Variants in HUNK observed in about 807,000 individuals in gnomAD.
HUNK encodes the protein hormonally up-regulated neu tumor-associated kinase.
In HUNK, 21 loss-of-function variants were observed where a neutral mutation model predicts 61.0. That is an observed-to-expected ratio of 0.34 (90% CI 0.24 to 0.50). The LOEUF is 0.50. HUNK is among the 20% of genes least tolerant of loss of function. The pLI is 0.98. For missense variants in HUNK, 772 were observed against 945.7 expected, an observed-to-expected ratio of 0.82 and a Z score of 2.41; for synonymous variants, 371 against 386.1, an observed-to-expected ratio of 0.96 and a Z score of 0.46.
At chr21:31,992,309 G>A (rs772793397) in intron 9 of HUNK, among the ~76,000 whole-genome samples, 12 of 152,184 alleles carry the variant, frequency 7.9e-5, no homozygotes, top group Non-Finnish European at 1.6e-4. Context: ...AGGCATCTCC[G>A]TCTCCTCCAC....
intron 1 of HUNK, among the ~76,000 whole-genome samples, chr21:31,876,313 G>C (rs2052261947): frequency 6.6e-6 from 1 of 152,180 alleles, no homozygotes; most frequent in African/African-American, 2.4e-5. Context: ...AGTGCTCCAG[G>C]GATTGCGGGC....
Position 31,958,954 on chromosome 21 carries a change from C to T in HUNK, c.858C>T (p.Pro286=). The change falls in exon 5 of 11, where the codon CCC becomes CCT. Residue 286 remains proline, a synonymous_variant. Coordinates refer to ENST00000270112, the MANE Select transcript of HUNK (RefSeq NM_014586.2). ...TAGACAAAGAAATGAACCCCCTCCCCACTCAGCTCTCCACAGGTAATGCAC... is the reference window on the plus strand; with the variant it reads ...TAGACAAAGAAATGAACCCCCTCCCTACTCAGCTCTCCACAGGTAATGCAC... ...KMVDKEMNPL[P]TQLSTGAISF... 2 of 1,607,438 alleles carry T rather than the reference C, an allele frequency of 1.2e-6. No homozygotes were observed. The highest frequency in any genetic ancestry group is 2.2e-5 in the East Asian group (1 of 44,824).
chr21:31,996,334 C>T (rs1051799502), intron 10 of HUNK, among the ~76,000 whole-genome samples: 4 of 152,110 alleles, frequency 2.6e-5, no homozygotes, highest in Admixed American at 6.5e-5. Flanking sequence ...GAGCAGAGAC[C>T]GGGTATCTCC....
intron 6 of HUNK, 36 bp downstream of exon 6, chr21:31,968,421 G>A: frequency 2.5e-6 from 4 of 1,612,806 alleles, no homozygotes; most frequent in Non-Finnish European, 3.4e-6. Context: ...CCTCGGGAGA[G>A]ACGGGGCCTG....
At chr21:31,917,749 CACA>C (rs2052595009) in intron 1 of HUNK, among the ~76,000 whole-genome samples, 1 of 145,500 alleles carries the variant, frequency 6.9e-6, no homozygotes, top group African/African-American at 2.7e-5. Context: ...CACACACACA[CACA>C]CACACCCCTG....
At chr21:31,996,649 C>G (rs1482170327) in intron 10 of HUNK, among the ~76,000 whole-genome samples, 1 of 152,152 alleles carries the variant, frequency 6.6e-6, no homozygotes, top group Non-Finnish European at 1.5e-5. Context: ...TGAAGCAGAG[C>G]CATGAAGTAG....
At chr21:31,956,157 C>A (rs1185227110) in intron 4 of HUNK, among the ~76,000 whole-genome samples, 1 of 152,230 alleles carries the variant, frequency 6.6e-6, no homozygotes, top group Admixed American at 6.5e-5. Context: ...ATCCTGGTTC[C>A]AGTTTTCAAA....
In HUNK at chr21:31,946,572, C is replaced by T. The variant is rs78970533; in HGVS notation, c.746+401C>T. 7.1e-3 allele frequency among the ~76,000 whole-genome samples: 1,080 copies of T among 152,196 alleles called. 15 individuals carry two copies. The highest frequency in any genetic ancestry group is 0.025 in the African/African-American group (1,029 of 41,516). On this transcript the variant is annotated intron_variant, in intron 4 of 10. Transcript: ENST00000270112. ...TCTCTCCTACCCCCTGTCCTGCTCA[C>T]AGTTCTTCAGACATATTGACCTCCC...
At chr21:31,956,335 C>T (rs1276931455) in intron 4 of HUNK, among the ~76,000 whole-genome samples, 1 of 152,178 alleles carries the variant, frequency 6.6e-6, no homozygotes, top group Non-Finnish European at 1.5e-5. Context: ...AGAGGCTGTT[C>T]AGTGGTCCCC....
intron 1 of HUNK, among the ~76,000 whole-genome samples, chr21:31,885,197 G>T (rs1178888462): frequency 6.6e-6 from 1 of 152,222 alleles, no homozygotes; most frequent in Non-Finnish European, 1.5e-5. Flanking sequence ...CGAGGGAAAT[G>T]AAAACCTTTC....
At position 31,882,332 on chromosome 21, in the gene HUNK, T is replaced by A. The variant is rs551594377; in HGVS notation, c.261+8397T>A. ...TTTGGTTAAGTTTTGGAATTGGTAA[T>A]ACAGACACATGGTCTGAAATTCAAA... On this transcript the variant is annotated intron_variant, in intron 1 of 10. Transcript: ENST00000270112. 3.9e-5 allele frequency among the ~76,000 whole-genome samples: 6 copies of A among 152,290 alleles called. No homozygotes were observed. The South Asian group carries it at 6.2e-4, about 16-fold the overall frequency.
intron 2 of HUNK, among the ~76,000 whole-genome samples, chr21:31,934,496 AC>A (rs1291606293): frequency 6.6e-6 from 1 of 151,548 alleles, no homozygotes; most frequent in Non-Finnish European, 1.5e-5. Flanking sequence ...GAAGAAATTC[AC>A]CCCTTTTAAA....
chr21:31,979,253 G>A (rs2053074316), intron 7 of HUNK, among the ~76,000 whole-genome samples: 1 of 151,794 alleles, frequency 6.6e-6, no homozygotes, highest in African/African-American at 2.4e-5. Context: ...TGAGTAGCTG[G>A]GACTACAGGT....
chr21:31,916,679 C>CTT (rs753394202), intron 1 of HUNK, among the ~76,000 whole-genome samples: 7 of 143,494 alleles, frequency 4.9e-5, no homozygotes, highest in Middle Eastern at 3.7e-3. Flanking sequence ...CTCTCTCTTT[C>CTT]TTTTTTTTTT....
At chr21:31,968,433 C>G in intron 6 of HUNK, 48 bp downstream of exon 6, 5 of 1,608,266 alleles carry the variant, frequency 3.1e-6, no homozygotes, top group Non-Finnish European at 4.3e-6. Flanking sequence ...CGGGGCCTGT[C>G]CTACTAGCCC....
intron 1 of HUNK, among the ~76,000 whole-genome samples, chr21:31,894,380 T>G (rs572610312): frequency 1.3e-3 from 192 of 152,320 alleles, no homozygotes; most frequent in Non-Finnish European, 2.4e-3. Flanking sequence ...ATTCTGCATC[T>G]CAAGCCATTT....
intron 5 of HUNK, among the ~76,000 whole-genome samples, chr21:31,963,837 G>T (rs958381846): frequency 6.6e-6 from 1 of 152,024 alleles, no homozygotes; most frequent in Non-Finnish European, 1.5e-5. Flanking sequence ...TTAATTCTTC[G>T]GCTCTTTTTA....
In HUNK at chr21:31,873,514, G is replaced by A. The variant is rs1226142147; in HGVS notation, c.-161G>A. 6.9e-6 allele frequency: 3 copies of A among 433,374 alleles called. No homozygotes were observed. Among genetic ancestry groups the A allele is most frequent in the Non-Finnish European group, 9.2e-6 (3 of 325,420 alleles). 26.8% of individuals were successfully genotyped at this position (433,374 alleles called of 1,614,324 possible). A position where few individuals can be genotyped will look rare whatever the true frequency, so the allele number is the denominator to read the frequency against. ...GTCTACGCGCCTCGCTGGGCGGCGC[G>A]GGGGGCGTGATCGCGGCGGCCCCGG... On this transcript the variant is annotated 5_prime_UTR_variant, in exon 1 of 11. Transcript: ENST00000270112. This position sits in a 1 kb window ranked among gnomAD's most constrained non-coding sequence, Gnocchi z 6.1.
chr21:31,932,495 A>T (rs2123822331), intron 2 of HUNK, among the ~76,000 whole-genome samples: 1 of 152,214 alleles, frequency 6.6e-6, no homozygotes, highest in Non-Finnish European at 1.5e-5. Context: ...GGAACCTTGA[A>T]TGGTTAGTCA....
Sources: gnomAD v4.1 joint callset for allele counts (sites outside exome capture counted in the v4.1 genomes callset) on GRCh38, gnomAD v4.1.1 for gene constraint, Gnocchi (gnomAD v3.1) non-coding constraint, MANE v1.5 for transcripts, NCBI Gene and HGNC (gene_info 2026-07-23, HGNC 2026-07-21) for gene names.